SGK3: variants seen among roughly 807,000 people sequenced by gnomAD.
The protein encoded by SGK3 is serine/threonine-protein kinase Sgk3.
A neutral mutation model predicts 68.5 loss-of-function variants in SGK3; 47 were observed. The ratio of observed to expected loss-of-function variants is 0.69; its 90% CI spans 0.54 to 0.87. SGK3 has a LOEUF of 0.87. SGK3 is among the 40% of genes least tolerant of loss of function. The pLI is 0.00. For synonymous variants in SGK3, 181 were observed against 189.1 expected, an observed-to-expected ratio of 0.96 and a Z score of 0.35; for missense variants, 479 against 575.5, an observed-to-expected ratio of 0.83 and a Z score of 1.72.
At chr8:66,769,467 A>G (rs535075797) in intron 1 of SGK3, among the ~76,000 whole-genome samples, 1 of 151,682 alleles carries the variant, frequency 6.6e-6, no homozygotes, top group Non-Finnish European at 1.5e-5. Flanking sequence ...CAAATGATCC[A>G]CTCGCCTCAG....
chr8:66,820,022 T>A (rs754982742), intron 5 of SGK3, among the ~76,000 whole-genome samples: 8 of 152,070 alleles, frequency 5.3e-5, no homozygotes, highest in Non-Finnish European at 1.2e-4. Context: ...TTCACTATGT[T>A]GGCCAGGCTG....
intron 1 of SGK3, among the ~76,000 whole-genome samples, chr8:66,774,648 T>G (rs1002462336): frequency 2.0e-5 from 3 of 152,092 alleles, no homozygotes; most frequent in Non-Finnish European, 4.4e-5. Flanking sequence ...CCTGAGCTGT[T>G]TGAAGGGAAC....
At chr8:66,848,776 T>G (rs1394124089) in intron 15 of SGK3, among the ~76,000 whole-genome samples, 1 of 152,216 alleles carries the variant, frequency 6.6e-6, no homozygotes, top group Non-Finnish European at 1.5e-5. Flanking sequence ...CTTACTCTCC[T>G]GAGAGGTACT....
At chr8:66,713,037 T>C (rs1199469330) in intron 1 of SGK3, among the ~76,000 whole-genome samples, 2 of 152,210 alleles carry the variant, frequency 1.3e-5, no homozygotes, top group Non-Finnish European at 2.9e-5. Context: ...TGCCTCGAGA[T>C]TCCTAAACGC....
chr8:66,734,917 C>T (rs1307478057), intron 1 of SGK3, among the ~76,000 whole-genome samples: 1 of 147,860 alleles, frequency 6.8e-6, no homozygotes, highest in Non-Finnish European at 1.5e-5. Flanking sequence ...TGCACTCCAG[C>T]CTGGGCAGCA....
At chr8:66,810,062 A>G (rs1034400445) in intron 4 of SGK3, among the ~76,000 whole-genome samples, 3 of 152,206 alleles carry the variant, frequency 2.0e-5, no homozygotes, top group Admixed American at 6.5e-5. Flanking sequence ...GGTAGTCATT[A>G]AGTCCAACCC....
At chr8:66,782,341 CT>C (rs895554381) in intron 1 of SGK3, among the ~76,000 whole-genome samples, 40 of 146,966 alleles carry the variant, frequency 2.7e-4, no homozygotes, top group African/African-American at 8.5e-4. Context: ...TTTTTTTAGA[CT>C]TTTTTTTTTC....
At chr8:66,830,299 C>T (rs972606382) in intron 7 of SGK3, among the ~76,000 whole-genome samples, 1 of 152,150 alleles carries the variant, frequency 6.6e-6, no homozygotes, top group Non-Finnish European at 1.5e-5. Context: ...TATTTCAGTA[C>T]CTCTGCATAT....
intron 3 of SGK3, among the ~76,000 whole-genome samples, chr8:66,802,747 G>A (rs1440825545): frequency 6.6e-6 from 1 of 151,816 alleles, no homozygotes; most frequent in Non-Finnish European, 1.5e-5. Flanking sequence ...AGGCAGGTAG[G>A]AAGGAAGAAG....
intron 1 of SGK3, among the ~76,000 whole-genome samples, chr8:66,723,706 A>G (rs542182887): frequency 9.2e-5 from 14 of 152,204 alleles, no homozygotes; most frequent in African/African-American, 3.4e-4. Context: ...TAGCCACCCA[A>G]TGTGCTGGGA....
In SGK3 at chr8:66,756,519, T is replaced by A. The variant is rs187058566; in HGVS notation, c.-121-37097T>A. Among the ~76,000 whole-genome samples, 459 of 150,072 alleles carry A rather than the reference T, an allele frequency of 3.1e-3. 14 individuals carry two copies. The highest frequency in any genetic ancestry group is 0.027 in the Admixed American group (409 of 14,920). ...CAAAACCCCAAATCCTTTTAAGTTA[T>A]GGGCTTACAAAAGACAAACCAAGAA... is the stretch of plus-strand genomic sequence containing the variant. On this transcript the variant is annotated intron_variant, in intron 1 of 16. Coordinates refer to ENST00000521198, the MANE Select transcript of SGK3 (RefSeq NM_001033578.3).
intron 2 of SGK3, among the ~76,000 whole-genome samples, chr8:66,797,152 G>A (rs931341172): frequency 2.0e-5 from 3 of 152,190 alleles, no homozygotes; most frequent in Non-Finnish European, 4.4e-5. Context: ...GGTCTTGGCT[G>A]TATTTGGGTA....
chr8:66,827,471 T>C (rs1032307506), intron 6 of SGK3, among the ~76,000 whole-genome samples: 16 of 151,414 alleles, frequency 1.1e-4, no homozygotes, highest in African/African-American at 3.9e-4. Context: ...ATATGAAGTA[T>C]AATTATATAT....
chr8:66,794,445 A>G (rs903562840), intron 2 of SGK3, among the ~76,000 whole-genome samples: 5 of 151,810 alleles, frequency 3.3e-5, no homozygotes, highest in African/African-American at 1.2e-4. Flanking sequence ...TAGTCCTATT[A>G]GTATATACAG....
At chr8:66,761,370 C>T (rs1368064622) in intron 1 of SGK3, among the ~76,000 whole-genome samples, 2 of 152,194 alleles carry the variant, frequency 1.3e-5, no homozygotes, top group Non-Finnish European at 2.9e-5. Context: ...AATGTGGTTT[C>T]ACTGCCTGGA....
chr8:66,814,172 T>C (rs1808490204), intron 5 of SGK3, among the ~76,000 whole-genome samples: 1 of 152,210 alleles, frequency 6.6e-6, no homozygotes, highest in Non-Finnish European at 1.5e-5. Flanking sequence ...ATTTGCATAA[T>C]AAATTAAAGC....
chr8:66,723,966 G>A (rs1804899452), intron 1 of SGK3, among the ~76,000 whole-genome samples: 1 of 152,128 alleles, frequency 6.6e-6, no homozygotes, highest in Non-Finnish European at 1.5e-5. Flanking sequence ...CAATGTTTTA[G>A]CAGAGAAAAG....
rs560030074 is a variant in SGK3, at chr8:66,747,992, G to A, written c.-122+35159G>A. ...GATCACTAACTGTGAATCTCAGTGA[G>A]TTACTTAATGTTTCACTTTCCACAT... On this transcript the variant is annotated intron_variant, in intron 1 of 16. Coordinates refer to ENST00000521198, the MANE Select transcript of SGK3 (RefSeq NM_001033578.3). Among the ~76,000 whole-genome samples, 5 of 152,322 alleles carry A rather than the reference G, an allele frequency of 3.3e-5. No individual in the cohort carries two copies. The East Asian group carries it at 5.8e-4, about 18-fold the overall frequency.
intron 1 of SGK3, among the ~76,000 whole-genome samples, chr8:66,777,588 T>A (rs2130510044): frequency 6.6e-6 from 1 of 152,354 alleles, no homozygotes; most frequent in African/African-American, 2.4e-5. Flanking sequence ...TTATTTCATC[T>A]GTCATTTTTG....
Sources: allele counts gnomAD v4.1 joint callset (sites outside exome capture counted in the v4.1 genomes callset), GRCh38; gene constraint gnomAD v4.1.1; transcripts MANE v1.5; gene names NCBI Gene and HGNC (gene_info 2026-07-23, HGNC 2026-07-21).